The following COL6A3 variants were observed in gnomAD, a reference collection of about 807,000 sequenced individuals.
COL6A3 encodes collagen alpha-3(VI) chain.
In COL6A3, 137 loss-of-function variants were observed where a neutral mutation model predicts 274.1. That is an observed-to-expected ratio of 0.50 (90% CI 0.44 to 0.58). The LOEUF (loss-of-function observed/expected upper bound fraction) is 0.58, where lower values mean the gene tolerates loss of function less well. Among genes scored for constraint, COL6A3 ranks in the 20% least tolerant of loss-of-function variants. COL6A3 has a pLI of 0.00. For synonymous variants in COL6A3, 1,650 were observed against 1,650.6 expected (o/e 1.00, Z 0.01); for missense variants, 3,950 against 4,124.9 (o/e 0.96, Z 1.16).
In COL6A3 at chr2:237,374,108, G is replaced by A. The variant is rs563517591; in HGVS notation, c.3679+304C>T. The stretch of plus-strand genomic sequence containing the variant: ...TATCAGTTAGACGGCCCCTCCCTTT[G>A]GATATCTAGACAGAAGCTTTCATGC... On this transcript the variant is annotated intron_variant, in intron 8 of 43. Coordinates refer to ENST00000295550, the MANE Select transcript of COL6A3 (RefSeq NM_004369.4). This position sits in a 1 kb window ranked among gnomAD's most constrained non-coding sequence, Gnocchi z 4.8. Among the ~76,000 whole-genome samples, 67 of 152,280 alleles carry A rather than the reference G, an allele frequency of 4.4e-4. No individual in the cohort carries two copies. The highest frequency in any genetic ancestry group is 6.5e-4 in the Non-Finnish European group (44 of 68,022).
At chr2:237,349,154 A>C (rs914603942) in intron 28 of COL6A3, among the ~76,000 whole-genome samples, 10 of 112,474 alleles carry the variant, frequency 8.9e-5, no homozygotes, top group South Asian at 3.0e-4. Flanking sequence ...CCTTTCCAAC[A>C]CCTCCCCCCA....
chr2:237,391,504 CTGTTTGTT>C (rs200150873), intron 3 of COL6A3, among the ~76,000 whole-genome samples: 29,365 of 150,022 alleles, frequency 0.2, 2,993 homozygotes, highest in East Asian at 0.3. Context: ...GTCCCTTTCA[CTGTTTGTT>C]TGTTTGTTTG....
Position 237,341,061 on chromosome 2 carries a change from C to T in COL6A3, c.7855G>A (p.Asp2619Asn), listed in dbSNP as rs756654349. Residue 2619 changes from aspartate (D) to asparagine (N), a missense_variant, in exon 38 of 44, where the codon GAC becomes AAC. Physicochemically the swap from Asp to Asn is conservative, Grantham distance 23. This residue lies in a region of COL6A3 where 1,284 missense variants were observed against 1,349.7 expected (regional missense o/e 0.95). Coordinates refer to ENST00000295550, the MANE Select transcript of COL6A3 (RefSeq NM_004369.4). ...RRAAGSDVDI[D>N]MAFILDSAET... is the part of the protein sequence containing the mutation. ...GCGCTGTCTAAGATGAAAGCCATGTCGATGTCCACATCGCTCCCTGCCGCT... is the reference window on the plus strand; with the variant it reads ...GCGCTGTCTAAGATGAAAGCCATGTTGATGTCCACATCGCTCCCTGCCGCT... The T allele has an allele frequency of 1.2e-5, 19 of 1,614,032 alleles. No individual in the cohort carries two copies. The highest frequency in any genetic ancestry group is 6.7e-5 in the East Asian group (3 of 44,884).
In COL6A3 at chr2:237,350,236, C is replaced by T. The variant is rs1025682683; in HGVS notation, c.6817-27G>A. ...TAGACATGAGAAACATGGCTGAGAC[C>T]CTGTGGCCTGGGGCTGGCTTACAGT... On this transcript the variant is annotated intron_variant, in intron 27 of 43. Transcript: ENST00000295550. 6 of 1,612,506 alleles carry T rather than the reference C, an allele frequency of 3.7e-6. No homozygotes were observed. In the Admixed American group the frequency reaches 5.0e-5, roughly 13 times the overall value.
At chr2:237,328,854 T>C (rs932113363) in intron 42 of COL6A3, 8 of 152,198 alleles carry the variant, frequency 5.3e-5, no homozygotes, top group African/African-American at 1.9e-4. Context: ...ATCATCAACA[T>C]GTTCCTCATC....
At chr2:237,332,104 TA>T (rs1332363868) in intron 42 of COL6A3, among the ~76,000 whole-genome samples, 3 of 44,454 alleles carry the variant, frequency 6.7e-5, no homozygotes, top group African/African-American at 1.9e-4. Flanking sequence ...TATATATATA[TA>T]TATATATATA....
intron 26 of COL6A3, among the ~76,000 whole-genome samples, chr2:237,351,606 G>GA (rs1170550803): frequency 1.3e-5 from 2 of 152,182 alleles, no homozygotes; most frequent in Non-Finnish European, 2.9e-5. Flanking sequence ...ACTGATGGAT[G>GA]AAATTAACTC....
In COL6A3 at chr2:237,365,927, C is replaced by T. The variant is rs114804083; in HGVS notation, c.5609G>A (p.Ser1870Asn). The T allele has an allele frequency of 2.1e-4, 336 of 1,614,176 alleles. 5 individuals are homozygous for T. In the East Asian group the frequency reaches 4.0e-3, roughly 19 times the overall value. The change falls in exon 12 of 44, where the codon AGC (serine) becomes AAC (asparagine). Residue 1870 changes from serine to asparagine, a missense_variant. By Grantham distance (46) the Ser-to-Asn change is conservative (BLOSUM62 1). This residue lies in a region of COL6A3 where 632 missense variants were observed against 623.4 expected (regional missense o/e 1.01). Transcript: ENST00000295550. ...SKVDAILNRI[S>N]QMHRVSCSGG... ...GCTGCAGCTGACCCTGTGCATCTGG[C>T]TGATTCTGTTCAAGATGGCGTCCAC...
At chr2:237,386,322 T>C (rs1010001743) in intron 4 of COL6A3, 2 of 152,268 alleles carry the variant, frequency 1.3e-5, no homozygotes, top group African/African-American at 4.8e-5. Flanking sequence ...CTTCTACTCT[T>C]AATTTCATAC....
chr2:237,408,911 C>T (rs185734923), intron 1 of COL6A3, among the ~76,000 whole-genome samples: 1 of 152,176 alleles, frequency 6.6e-6, no homozygotes, highest in East Asian at 1.9e-4. Context: ...TTTTAAGCAA[C>T]AGTTACTCCT....
At chr2:237,387,542 C>T (rs768401229) in intron 4 of COL6A3, 40 bp downstream of exon 4, 2 of 1,613,320 alleles carry the variant, frequency 1.2e-6, no homozygotes, top group Admixed American at 3.3e-5. Context: ...ACACACACAA[C>T]ACCCCACTCC....
intron 3 of COL6A3, among the ~76,000 whole-genome samples, chr2:237,392,908 C>T (rs2078328032): frequency 6.6e-6 from 1 of 152,144 alleles, no homozygotes; most frequent in South Asian, 2.1e-4. Context: ...CCTCCAGCCC[C>T]GCGATTGGCC....
In COL6A3 at chr2:237,359,380, C is replaced by A. The variant is rs761280470; in HGVS notation, c.6291G>T (p.Arg2097=). Residue 2097 remains arginine, a synonymous_variant, in exon 18 of 44, where the codon CGG becomes CGT. Coordinates refer to ENST00000295550, the MANE Select transcript of COL6A3 (RefSeq NM_004369.4). ...TGCATACCTTCTCTCCTGGGAATCCCCGAGAGCCCTAGAAGGCAAGGCGAT... is the reference window on the plus strand; with the variant it reads ...TGCATACCTTCTCTCCTGGGAATCCACGAGAGCCCTAGAAGGCAAGGCGAT... The part of the protein sequence containing the change: ...CPGQRGVKGS[R]GFPGEKGEVG... 26 of 1,613,710 alleles carry A rather than the reference C, an allele frequency of 1.6e-5. No individual in the cohort carries two copies. Among genetic ancestry groups the A allele is most frequent in the Middle Eastern group, 1.6e-4 (1 of 6,080 alleles).
chr2:237,354,876 AGG>A (rs2106336405), intron 24 of COL6A3, 21 bp downstream of exon 24: 1 of 1,611,448 alleles, frequency 6.2e-7, no homozygotes. Context: ...GAGAGTCTCC[AGG>A]GGGCACTGCA....
chr2:237,328,851 A>C (rs1189209945), intron 42 of COL6A3: 1 of 152,200 alleles, frequency 6.6e-6, no homozygotes, highest in Non-Finnish European at 1.5e-5. Context: ...GCAATCATCA[A>C]CATGTTCCTC....
Position 237,334,732 on chromosome 2 carries a change from C to G in COL6A3, c.9123G>C (p.Thr3041=), listed in dbSNP as rs61729843. The change falls in exon 41 of 44, where the codon ACG becomes ACC. Residue 3041 remains threonine, a synonymous_variant. Coordinates refer to ENST00000295550, the MANE Select transcript of COL6A3 (RefSeq NM_004369.4). The part of the protein sequence containing the change: ...SLVLKQNLTV[T]DRVIGGLLAG... The stretch of plus-strand genomic sequence containing the variant: ...CGAGCAGGCCTCCAATGACGCGGTC[C>G]GTGACCGTGAGGTTCTGCTTCAGAA... 2 of 1,613,924 alleles carry G rather than the reference C, an allele frequency of 1.2e-6. No homozygotes were observed. Among genetic ancestry groups the G allele is most frequent in the African/African-American group, 1.3e-5 (1 of 74,890 alleles).
chr2:237,406,796 C>G (rs2078730563), intron 1 of COL6A3, among the ~76,000 whole-genome samples: 1 of 151,664 alleles, frequency 6.6e-6, no homozygotes, highest in Non-Finnish European at 1.5e-5. Flanking sequence ...GGAGAATCCT[C>G]AAAAGAAAAT....
chr2:237,351,003 G>T, intron 27 of COL6A3, 127 bp downstream of exon 27: 1 of 867,102 alleles, frequency 1.2e-6, no homozygotes, highest in Non-Finnish European at 2.0e-6. Flanking sequence ...CGATCAACAG[G>T]GGAGGCTGGA....
rs373345733 is a variant in COL6A3, at chr2:237,345,182, T to C, written c.7124A>G (p.Asp2375Gly). The stretch of plus-strand genomic sequence containing the variant: ...TCATTCTGGACACATGCAACTTACA[T>C]CGATGGAGTCGCCCCTGTTGCCCTT... Reference protein sequence around the residue: ...GPKGNRGDSIDQCALIQSIKD... With the variant: ...GPKGNRGDSIGQCALIQSIKD... The change falls in exon 33 of 44, where the codon GAT becomes GGT. Residue 2375 changes from aspartate to glycine, a missense_variant and splice_region_variant. By Grantham distance (94) the Asp-to-Gly change is moderately conservative. This residue lies in a region of COL6A3 where 1,284 missense variants were observed against 1,349.7 expected (regional missense o/e 0.95). Coordinates refer to ENST00000295550, the MANE Select transcript of COL6A3 (RefSeq NM_004369.4). The C allele has an allele frequency of 6.2e-7, 1 of 1,614,156 alleles. No homozygotes were observed. The highest frequency in any genetic ancestry group is 8.5e-7 in the Non-Finnish European group (1 of 1,180,036).
Sources: allele counts gnomAD v4.1 joint callset (sites outside exome capture counted in the v4.1 genomes callset), GRCh38; gene constraint gnomAD v4.1.1; regional missense constraint gnomAD v4.1.1; non-coding constraint Gnocchi (gnomAD v3.1); transcripts MANE v1.5; gene names NCBI Gene and HGNC (gene_info 2026-07-23, HGNC 2026-07-21).